Variants in MYPN observed in about 807,000 individuals in gnomAD.
MYPN encodes the protein sarcomeric protein myopalladin, 145 kDa (MYOP).
A neutral mutation model predicts 129.4 loss-of-function variants in MYPN; 63 were observed. The observed-to-expected ratio is 0.49, with a 90% confidence interval of 0.40 to 0.60. MYPN has a LOEUF of 0.60. MYPN is among the 20% of genes least tolerant of loss of function. The pLI, the probability that MYPN is intolerant of heterozygous loss-of-function variation, is 0.00. For missense variants in MYPN, 1,596 were observed against 1,635.4 expected, an observed-to-expected ratio of 0.98 and a Z score of 0.42; for synonymous variants, 629 against 600.9, an observed-to-expected ratio of 1.05 and a Z score of -0.68.
Position 68,121,525 on chromosome 10 carries a change from C to G in MYPN, c.87C>G (p.Asn29Lys), listed in dbSNP as rs756617551. 2 of 1,614,186 alleles carry G rather than the reference C, an allele frequency of 1.2e-6. No individual in the cohort carries two copies. Among genetic ancestry groups the G allele is most frequent in the Non-Finnish European group, 1.7e-6 (2 of 1,180,034 alleles). Reference protein sequence around the residue: ...SYLAETRHRGNNERSRAEPSS... With the variant: ...SYLAETRHRGKNERSRAEPSS... ...TAGCTGAAACCAGACATCGGGGAAACAATGAGAGGAGTCGAGCGGAGCCCT... is the reference window on the plus strand; with the variant it reads ...TAGCTGAAACCAGACATCGGGGAAAGAATGAGAGGAGTCGAGCGGAGCCCT... The change falls in exon 2 of 20, where the codon AAC becomes AAG. Residue 29 changes from asparagine to lysine, a missense_variant. By Grantham distance (94) the Asn-to-Lys change is moderately conservative. Coordinates refer to ENST00000358913, the MANE Select transcript of MYPN (RefSeq NM_032578.4).
intron 1 of MYPN, among the ~76,000 whole-genome samples, chr10:68,095,019 C>G (rs892067661): frequency 1.3e-5 from 2 of 152,126 alleles, no homozygotes; most frequent in African/African-American, 4.8e-5. Context: ...CAAGATTTCA[C>G]CATTGCACTC....
rs186033691 is a variant in MYPN at position 68,205,128 on chromosome 10, C to T, written c.3660-1642C>T. On this transcript the variant is annotated intron_variant, in intron 18 of 19. Coordinates refer to ENST00000358913, the MANE Select transcript of MYPN (RefSeq NM_032578.4). ...ATTTTTAAAGTAATCTCGTCTTAGT[C>T]GTCTCAGGTCTTTATACAGTGTTAC... Among the ~76,000 whole-genome samples, 109 of 152,218 alleles carry T rather than the reference C, an allele frequency of 7.2e-4. 1 individual carries two copies. The East Asian group carries it at 0.02, about 28-fold the overall frequency.
intron 12 of MYPN, among the ~76,000 whole-genome samples, chr10:68,179,228 A>G (rs2043276549): frequency 6.6e-6 from 1 of 152,080 alleles, no homozygotes; most frequent in Non-Finnish European, 1.5e-5. Context: ...CTTTCTAACA[A>G]GAATTTCACA....
intron 2 of MYPN, among the ~76,000 whole-genome samples, chr10:68,128,231 T>C (rs933956667): frequency 6.6e-6 from 1 of 152,202 alleles, no homozygotes; most frequent in African/African-American, 2.4e-5. Context: ...TCCTTTCCTG[T>C]ATCCCAGCTC....
chr10:68,150,677 T>G (rs1209375669), intron 6 of MYPN, among the ~76,000 whole-genome samples: 1 of 152,196 alleles, frequency 6.6e-6, no homozygotes, highest in Non-Finnish European at 1.5e-5. Flanking sequence ...GCCAGAGAGA[T>G]GAAGCCATGT....
rs3814180 is a variant in MYPN at position 68,142,792 on chromosome 10, T to C, written c.903-148T>C. On this transcript the variant is annotated intron_variant, in intron 2 of 19. Coordinates refer to ENST00000358913, the MANE Select transcript of MYPN (RefSeq NM_032578.4). ...TGAATACTGCCAACTCTTCTCACTG[T>C]TACAAAAAAATAATGTTATAATGAT... 464,317 of 785,548 alleles carry C rather than the reference T, an allele frequency of 0.59. 140,850 individuals carry two copies. Among genetic ancestry groups the C allele is most frequent in the Non-Finnish European group, 0.61 (281,723 of 459,882 alleles). The allele number at this position is 785,548 out of a possible 1,614,324, so 48.7% of individuals were successfully genotyped here. A position where few individuals can be genotyped will look rare whatever the true frequency, so the allele number is the denominator to read the frequency against.
chr10:68,112,950 G>A (rs1450681607), intron 1 of MYPN, among the ~76,000 whole-genome samples: 1 of 152,126 alleles, frequency 6.6e-6, no homozygotes, highest in African/African-American at 2.4e-5. Flanking sequence ...ACTGGGATTT[G>A]GTTTTTGACC....
At chr10:68,098,853 AT>A (rs147706552) in intron 1 of MYPN, among the ~76,000 whole-genome samples, 4 of 151,816 alleles carry the variant, frequency 2.6e-5, no homozygotes, top group Non-Finnish European at 5.9e-5. Flanking sequence ...CAAAAAACAA[AT>A]TTTTTTTGAA....
At chr10:68,208,100 C>CTT (rs1006090606) in intron 19 of MYPN, among the ~76,000 whole-genome samples, 1 of 152,184 alleles carries the variant, frequency 6.6e-6, no homozygotes, top group Non-Finnish European at 1.5e-5. Context: ...CAATCCTACA[C>CTT]TTTTTGACAT....
intron 4 of MYPN, among the ~76,000 whole-genome samples, chr10:68,145,993 T>C (rs2042660362): frequency 6.6e-6 from 1 of 152,184 alleles, no homozygotes; most frequent in South Asian, 2.1e-4. Flanking sequence ...TTTCTCTCTT[T>C]TATAGTGTCC....
In MYPN at chr10:68,143,081, G is replaced by T; in HGVS notation, c.1044G>T (p.Gly348=). 1.2e-6 allele frequency: 2 copies of T among 1,614,056 alleles called. No individual in the cohort carries two copies. The highest frequency in any genetic ancestry group is 1.7e-6 in the Non-Finnish European group (2 of 1,179,998). The change falls in exon 3 of 20, where the codon GGG becomes GGT. Residue 348 remains glycine (G), a synonymous_variant. Transcript: ENST00000358913. ...CCTGCTTTGCTTCTAACATCTATGG[G>T]ACAGATTCGACTTCTGCTGAGATTT... The part of the protein sequence containing the change: ...RYSCFASNIY[G]TDSTSAEIYI...
intron 2 of MYPN, among the ~76,000 whole-genome samples, chr10:68,125,036 T>C (rs570043829): frequency 1.3e-5 from 2 of 152,220 alleles, no homozygotes; most frequent in East Asian, 1.9e-4. Context: ...TGGACATAGA[T>C]TGATTAAAAC....
Position 68,206,800 on chromosome 10 carries a change from C to T in MYPN, c.3690C>T (p.Cys1230=), listed in dbSNP as rs1170311823. Residue 1230 remains cysteine, a synonymous_variant, in exon 19 of 20, where the codon TGC becomes TGT. Transcript: ENST00000358913. ...ACCAGGACACAACAGGGTATGCCTG[C>T]CTTCTCATTCAGCCAGCCAAGAAAT... ...SMHQDTTGYA[C]LLIQPAKKSD... 1.2e-6 allele frequency: 2 copies of T among 1,614,088 alleles called. No individual in the cohort carries two copies. The highest frequency in any genetic ancestry group is 1.7e-6 in the Non-Finnish European group (2 of 1,180,050).
intron 10 of MYPN, among the ~76,000 whole-genome samples, chr10:68,173,351 C>G (rs1012114767): frequency 6.6e-6 from 1 of 152,186 alleles, no homozygotes; most frequent in Non-Finnish European, 1.5e-5. Context: ...AGCTGGGATA[C>G]TTTCCTCTGG....
chr10:68,128,219 G>A (rs2042355516), intron 2 of MYPN, among the ~76,000 whole-genome samples: 1 of 152,152 alleles, frequency 6.6e-6, no homozygotes, highest in Non-Finnish European at 1.5e-5. Flanking sequence ...AAATGGCCGT[G>A]ATCCTTTCCT....
intron 1 of MYPN, among the ~76,000 whole-genome samples, chr10:68,099,915 A>C (rs971182255): frequency 6.6e-6 from 1 of 152,060 alleles, no homozygotes; most frequent in Non-Finnish European, 1.5e-5. Context: ...CAGGCCTCTG[A>C]AATGTGGCGT....
At chr10:68,090,170 CT>C (rs892306572) in intron 1 of MYPN, among the ~76,000 whole-genome samples, 9 of 149,272 alleles carry the variant, frequency 6.0e-5, no homozygotes, top group African/African-American at 9.8e-5. Flanking sequence ...TCAATGAACA[CT>C]TTTTTTTTTG....
In MYPN at chr10:68,165,826, C is replaced by T; in HGVS notation, c.1600+8C>T. On this transcript the variant is annotated splice_region_variant and intron_variant, in intron 9 of 19. Coordinates refer to ENST00000358913, the MANE Select transcript of MYPN (RefSeq NM_032578.4). ...CACAGCTGCACGTGAGAGGTAAGGACTCTTTAATGCTAGAACAGTTTAGCC... is the reference window on the plus strand; with the variant it reads ...CACAGCTGCACGTGAGAGGTAAGGATTCTTTAATGCTAGAACAGTTTAGCC... 1 of 1,600,030 alleles carries T rather than the reference C, an allele frequency of 6.2e-7. No homozygotes were observed. The highest frequency in any genetic ancestry group is 8.6e-7 in the Non-Finnish European group (1 of 1,167,192).
intron 1 of MYPN, among the ~76,000 whole-genome samples, chr10:68,091,290 T>C (rs1479859797): frequency 6.6e-5 from 10 of 152,036 alleles, no homozygotes; most frequent in Admixed American, 6.6e-4. Flanking sequence ...TGATTTCTCT[T>C]TCCTACCTGT....
Sources: gnomAD v4.1 joint callset for allele counts (sites outside exome capture counted in the v4.1 genomes callset) on GRCh38, gnomAD v4.1.1 for gene constraint, MANE v1.5 for transcripts, NCBI Gene and HGNC (gene_info 2026-07-23, HGNC 2026-07-21) for gene names.